Variants in MYO6 observed in about 807,000 individuals in gnomAD.
The protein encoded by MYO6 is unconventional myosin-VI.
MYO6 carries 74 observed loss-of-function variants against 178.7 expected under a neutral mutation model. That is an observed-to-expected ratio of 0.41 (90% CI 0.34 to 0.50). The LOEUF (loss-of-function observed/expected upper bound fraction) is 0.50, where lower values mean the gene tolerates loss of function less well. Ranked by LOEUF, MYO6 falls within the 20% of genes least tolerant of loss-of-function variation. The probability of loss-of-function intolerance (pLI) is 0.09; values close to 1 mark genes in which losing one functional copy is unlikely to be tolerated. For missense variants in MYO6, 1,330 were observed against 1,547.4 expected (o/e 0.86, Z 2.36); for synonymous variants, 477 against 504.6 (o/e 0.95, Z 0.73).
chr6:75,801,664 G>T (rs1769467142), intron 1 of MYO6, among the ~76,000 whole-genome samples: 2 of 152,150 alleles, frequency 1.3e-5, no homozygotes. Context: ...TTGAGGGCTG[G>T]GCACAGTGGC....
intron 30 of MYO6, among the ~76,000 whole-genome samples, chr6:75,905,064 G>C (rs928179969): frequency 1.3e-5 from 2 of 152,220 alleles, no homozygotes; most frequent in Admixed American, 6.5e-5. Flanking sequence ...GGGCCCACTT[G>C]AGGAGACAGT....
At chr6:75,833,911 A>G (rs576512253) in intron 6 of MYO6, among the ~76,000 whole-genome samples, 5 of 152,352 alleles carry the variant, frequency 3.3e-5, no homozygotes, top group African/African-American at 1.2e-4. Context: ...TTTTTAAGAT[A>G]CAGACATCTT....
At position 75,916,240 on chromosome 6, in the gene MYO6, T is replaced by C. The variant is rs1257188227; in HGVS notation, c.*1228T>C. On this transcript the variant is annotated 3_prime_UTR_variant, in exon 35 of 35. Coordinates refer to ENST00000369977, the MANE Select transcript of MYO6 (RefSeq NM_004999.4). ...AAAATTATAAAGTAAAATGATTCTC[T>C]GTACTGCTTTTTCCCCCAGTTTTTA... The C allele has an allele frequency of 2.6e-5, 4 of 152,226 alleles. No individual in the cohort carries two copies. The highest frequency in any genetic ancestry group is 7.2e-5 in the African/African-American group (3 of 41,462). 9.4% of individuals were successfully genotyped at this position (152,226 alleles called of 1,614,324 possible).
intron 1 of MYO6, among the ~76,000 whole-genome samples, chr6:75,785,655 A>G (rs1021868393): frequency 1.3e-5 from 2 of 149,330 alleles, no homozygotes; most frequent in Non-Finnish European, 3.0e-5. Flanking sequence ...TTTTTTTCCT[A>G]TTGTAAGATC....
At position 75,901,724 on chromosome 6, in the gene MYO6, T is replaced by C. The variant is rs922384308; in HGVS notation, c.3176+3313T>C. ...AATTGAATACCCTTTATTTCCTTCTTCTGCCTAATTGCCCTGGCCAGAACT... is the reference window on the plus strand; with the variant it reads ...AATTGAATACCCTTTATTTCCTTCTCCTGCCTAATTGCCCTGGCCAGAACT... On this transcript the variant is annotated intron_variant, in intron 30 of 34. Transcript: ENST00000369977. Among the ~76,000 whole-genome samples the C allele has an allele frequency of 3.9e-5, 6 of 152,040 alleles. No homozygotes were observed. In the South Asian group the frequency reaches 6.2e-4, roughly 16 times the overall value.
At chr6:75,835,454 C>T (rs754100942) in intron 6 of MYO6, among the ~76,000 whole-genome samples, 7 of 151,732 alleles carry the variant, frequency 4.6e-5, no homozygotes, top group East Asian at 1.9e-4. Context: ...TTTTTTGAAA[C>T]GGAGTCTCAC....
Position 75,891,246 on chromosome 6 carries a change from A to C in MYO6, c.2886A>C (p.Ala962=). Residue 962 remains alanine, a synonymous_variant, in exon 27 of 35, where the codon GCA becomes GCC. Coordinates refer to ENST00000369977, the MANE Select transcript of MYO6 (RefSeq NM_004999.4). The part of the protein sequence containing the change: ...EERRMKLEME[A]KRKQEEEERK... ...TTATTAGGAAACTTGAGATGGAAGC[A>C]AAGAGAAAACAAGAAGAAGAAGAGA... 1 of 1,607,750 alleles carries C rather than the reference A, an allele frequency of 6.2e-7. No homozygotes were observed. The highest frequency in any genetic ancestry group is 1.1e-5 in the South Asian group (1 of 90,734).
At chr6:75,840,238 C>T (rs1159520619) in intron 7 of MYO6, among the ~76,000 whole-genome samples, 1 of 147,798 alleles carries the variant, frequency 6.8e-6, no homozygotes, top group Non-Finnish European at 1.5e-5. Flanking sequence ...CTCGGCTCAT[C>T]GCAACCTCCG....
chr6:75,854,476 G>A (rs1018886202), intron 11 of MYO6, among the ~76,000 whole-genome samples: 2 of 151,826 alleles, frequency 1.3e-5, no homozygotes, highest in Non-Finnish European at 2.9e-5. Context: ...ATATTAGTGT[G>A]TATATGAAAC....
At chr6:75,809,287 C>T (rs1770430947) in intron 1 of MYO6, among the ~76,000 whole-genome samples, 1 of 152,106 alleles carries the variant, frequency 6.6e-6, no homozygotes, top group African/African-American at 2.4e-5. Context: ...GGATTTACAG[C>T]CAAGGAACAG....
intron 1 of MYO6, among the ~76,000 whole-genome samples, chr6:75,814,599 C>A (rs560162562): frequency 3.3e-5 from 5 of 152,090 alleles, no homozygotes; most frequent in Admixed American, 1.3e-4. Flanking sequence ...CAGTGGCTCA[C>A]GCCTGTAATC....
intron 1 of MYO6, among the ~76,000 whole-genome samples, chr6:75,800,953 T>C (rs1583122513): frequency 6.6e-6 from 1 of 152,192 alleles, no homozygotes; most frequent in Non-Finnish European, 1.5e-5. Flanking sequence ...ACTCCTGAGC[T>C]CAAGTTATCC....
chr6:75,866,939 T>G lies in MYO6; in HGVS notation c.1778T>G (p.Phe593Cys). 1.2e-6 allele frequency: 2 copies of G among 1,613,900 alleles called. No homozygotes were observed. Among genetic ancestry groups the G allele is most frequent in the Non-Finnish European group, 8.5e-7 (1 of 1,179,864 alleles). ...AGAVCYETTQFVEKNNDALHM... is the reference protein window; with the variant it reads ...AGAVCYETTQCVEKNNDALHM... ...GTTTGATTTATTTTTCAGACCCAGTTTGTGGAGAAAAATAATGATGCTTTA... is the reference window on the plus strand; with the variant it reads ...GTTTGATTTATTTTTCAGACCCAGTGTGTGGAGAAAAATAATGATGCTTTA... The change falls in exon 18 of 35, where the codon TTT becomes TGT. Residue 593 changes from phenylalanine to cysteine, a missense_variant. Transcript: ENST00000369977.
chr6:75,776,672 G>GTGTGTGTGTGTGTGTGTGTGTA (rs1213651072), intron 1 of MYO6, among the ~76,000 whole-genome samples: 16 of 151,732 alleles, frequency 1.1e-4, no homozygotes, highest in African/African-American at 3.9e-4. Flanking sequence ...GTGTGTGTGT[G>GTGTGTGTGTGTGTGTGTGTGTA]TGTGTGTGTG....
chr6:75,751,132 C>T (rs1405621663), intron 1 of MYO6, among the ~76,000 whole-genome samples: 1 of 152,184 alleles, frequency 6.6e-6, no homozygotes, highest in Admixed American at 6.5e-5. Flanking sequence ...TGGGCTATAG[C>T]CAGAGCTTGA....
At position 75,788,488 on chromosome 6, in the gene MYO6, C is replaced by G. The variant is rs527579563; in HGVS notation, c.-47-29013C>G. ...TTATTCCCACTGTGTCCCCCACACACTCTTCCAGCAGATCCTGAAAAAAAC... is the reference window on the plus strand; with the variant it reads ...TTATTCCCACTGTGTCCCCCACACAGTCTTCCAGCAGATCCTGAAAAAAAC... On this transcript the variant is annotated intron_variant, in intron 1 of 34. Transcript: ENST00000369977. 3.5e-4 allele frequency among the ~76,000 whole-genome samples: 53 copies of G among 152,340 alleles called. 2 individuals are homozygous for G. In the South Asian group the frequency reaches 9.7e-3, roughly 28 times the overall value.
chr6:75,826,368 A>G (rs1772467894), intron 3 of MYO6, among the ~76,000 whole-genome samples: 1 of 152,204 alleles, frequency 6.6e-6, no homozygotes, highest in African/African-American at 2.4e-5. Context: ...ACATCCCTGA[A>G]AAGGTAGGTG....
At chr6:75,884,309 C>T (rs1338723317) in intron 23 of MYO6, among the ~76,000 whole-genome samples, 2 of 152,350 alleles carry the variant, frequency 1.3e-5, no homozygotes, top group East Asian at 3.9e-4. Context: ...TTGTGAACCT[C>T]CATACAGAAG....
chr6:75,782,173 A>G (rs901735428), intron 1 of MYO6, among the ~76,000 whole-genome samples: 1 of 152,124 alleles, frequency 6.6e-6, no homozygotes, highest in Non-Finnish European at 1.5e-5. Flanking sequence ...TGCATTTTGA[A>G]TCTGACTTTG....
Sources: allele counts gnomAD v4.1 joint callset (sites outside exome capture counted in the v4.1 genomes callset), GRCh38; gene constraint gnomAD v4.1.1; transcripts MANE v1.5; gene names NCBI Gene and HGNC (gene_info 2026-07-23, HGNC 2026-07-21).